The following ACAD11 variants were observed in gnomAD, a reference collection of about 807,000 sequenced individuals.
The protein encoded by ACAD11 is acyl-CoA dehydrogenase family member 11, also known as acyl-Coenzyme A dehydrogenase family, member 11.
Under a neutral mutation model 102.2 loss-of-function variants are expected in ACAD11, and 83 were observed. The ratio of observed to expected loss-of-function variants is 0.81; its 90% CI spans 0.68 to 0.97. ACAD11 has a LOEUF of 0.97. Among genes scored for constraint, ACAD11 ranks in the 50% least tolerant of loss-of-function variants. The probability of loss-of-function intolerance (pLI) is 0.00; values close to 1 mark genes in which losing one functional copy is unlikely to be tolerated. For synonymous variants in ACAD11, 324 were observed against 319.8 expected (o/e 1.01, Z -0.14); for missense variants, 901 against 951.7 (o/e 0.95, Z 0.70).
At position 132,591,473 on chromosome 3, in the gene ACAD11, C is replaced by G. The variant is rs1439681518; in HGVS notation, c.1621+11756G>C. ...ATGCTAGCTATCCAGCATCAGTGAG[C>G]TGAAGTAAAATCTTCTAATTCCTTT... On this transcript the variant is annotated intron_variant, in intron 13 of 19. Transcript: ENST00000264990. Among the ~76,000 whole-genome samples the G allele has an allele frequency of 2.0e-5, 3 of 152,270 alleles. No homozygotes were observed. In the East Asian group the frequency reaches 5.8e-4, roughly 29 times the overall value.
At chr3:132,575,315 T>C (rs1937507128) in intron 17 of ACAD11, among the ~76,000 whole-genome samples, 1 of 152,204 alleles carries the variant, frequency 6.6e-6, no homozygotes, top group South Asian at 2.1e-4. Flanking sequence ...AGAATTCAAG[T>C]CCTCCTGAAG....
intron 13 of ACAD11, among the ~76,000 whole-genome samples, chr3:132,598,448 TTA>T (rs1232084566): frequency 6.6e-6 from 1 of 152,212 alleles, no homozygotes; most frequent in Non-Finnish European, 1.5e-5. Flanking sequence ...GCCAGGCACA[TTA>T]ACAAGATTTT....
chr3:132,606,983 G>A (rs1391320474), intron 11 of ACAD11, among the ~76,000 whole-genome samples: 1 of 152,152 alleles, frequency 6.6e-6, no homozygotes, highest in African/African-American at 2.4e-5. Flanking sequence ...TGATATCCGG[G>A]CAAACAGGGT....
chr3:132,565,701 C>G (rs1304013068), intron 17 of ACAD11, among the ~76,000 whole-genome samples: 1 of 152,172 alleles, frequency 6.6e-6, no homozygotes, highest in Non-Finnish European at 1.5e-5. Context: ...GGGAATATCC[C>G]TCATAAATGG....
intron 11 of ACAD11, among the ~76,000 whole-genome samples, chr3:132,610,103 C>T (rs544527935): frequency 3.4e-4 from 52 of 152,074 alleles, no homozygotes; most frequent in Middle Eastern, 3.2e-3. Flanking sequence ...ACTCAATAAA[C>T]TCGGTATTGA....
intron 7 of ACAD11, 45 bp from the exon 8 acceptor site, chr3:132,628,491 T>C: frequency 7.4e-7 from 1 of 1,353,448 alleles, no homozygotes; most frequent in Non-Finnish European, 1.0e-6. Context: ...AAAACCGTCC[T>C]TCAACAATCC....
intron 17 of ACAD11, among the ~76,000 whole-genome samples, chr3:132,567,445 A>C (rs556335648): frequency 8.5e-5 from 13 of 152,192 alleles, no homozygotes; most frequent in East Asian, 1.9e-4. Context: ...TACCTAGAAC[A>C]ACCACCAAAA....
intron 9 of ACAD11, among the ~76,000 whole-genome samples, chr3:132,623,309 CTG>C (rs962949936): frequency 3.3e-5 from 5 of 152,084 alleles, no homozygotes; most frequent in Admixed American, 1.3e-4. Flanking sequence ...CTAGAAATGA[CTG>C]TTTTGGTTTT....
In ACAD11 at chr3:132,630,579, A is replaced by G. The variant is rs539377675; in HGVS notation, c.842-21T>C. Reference sequence around the variant, plus strand: ...TATCCCTATAAAAACAGCATGTAATATAAACTTTAATTAAAATGTCGTGGT... The same window carrying G: ...TATCCCTATAAAAACAGCATGTAATGTAAACTTTAATTAAAATGTCGTGGT... On this transcript the variant is annotated intron_variant, in intron 6 of 19. Coordinates refer to ENST00000264990, the MANE Select transcript of ACAD11 (RefSeq NM_032169.5). 2.5e-6 allele frequency: 4 copies of G among 1,581,338 alleles called. No homozygotes were observed. In the East Asian group the frequency reaches 9.0e-5, roughly 36 times the overall value.
chr3:132,632,775 C>T (rs1940101719), intron 5 of ACAD11, among the ~76,000 whole-genome samples: 1 of 152,146 alleles, frequency 6.6e-6, no homozygotes, highest in Non-Finnish European at 1.5e-5. Flanking sequence ...TTGTAGTTCT[C>T]CTTGAAGAGA....
chr3:132,618,538 A>G lies in ACAD11; in HGVS notation c.1414+96T>C, dbSNP rs187153140. On this transcript the variant is annotated intron_variant, in intron 11 of 19. Coordinates refer to ENST00000264990, the MANE Select transcript of ACAD11 (RefSeq NM_032169.5). Reference sequence around the variant, plus strand: ...AAATTATAGCTAAATTCATAAGTCAATAACTTTGTATAAAAACACATTCTT... The same window carrying G: ...AAATTATAGCTAAATTCATAAGTCAGTAACTTTGTATAAAAACACATTCTT... The G allele has an allele frequency of 1.1e-4, 127 of 1,105,066 alleles. 1 individual carries two copies. In the East Asian group the frequency reaches 3.4e-3, roughly 30 times the overall value. 68.5% of individuals were successfully genotyped at this position (1,105,066 alleles called of 1,614,324 possible).
chr3:132,566,336 G>A (rs1937212390), intron 17 of ACAD11, among the ~76,000 whole-genome samples: 1 of 146,910 alleles, frequency 6.8e-6, no homozygotes, highest in Non-Finnish European at 1.5e-5. Context: ...ATAGGAACAT[G>A]TGGAATTATA....
At position 132,618,650 on chromosome 3, in the gene ACAD11, A is replaced by C. The variant is rs746925126; in HGVS notation, c.1398T>G (p.Phe466Leu). Reference protein sequence around the residue: ...TGKCFFAPDVFNCQAPDTGNM... With the variant: ...TGKCFFAPDVLNCQAPDTGNM... ...TGTAGTAACCTGGTGCTTGGCAGTT[A>C]AAGACATCTGGAGCAAAAAAGCATT... is the stretch of plus-strand genomic sequence containing the variant. The change falls in exon 11 of 20, where the codon TTT (phenylalanine) becomes TTG (leucine). Residue 466 changes from phenylalanine (F) to leucine (L), a missense_variant. Phe to Leu is a conservative substitution (Grantham distance 22). Transcript: ENST00000264990. The C allele has an allele frequency of 6.2e-7, 1 of 1,601,878 alleles. No individual in the cohort carries two copies. Among genetic ancestry groups the C allele is most frequent in the Non-Finnish European group, 8.5e-7 (1 of 1,175,336 alleles).
At chr3:132,602,946 G>A (rs961420167) in intron 13 of ACAD11, among the ~76,000 whole-genome samples, 1 of 152,170 alleles carries the variant, frequency 6.6e-6, no homozygotes, top group Non-Finnish European at 1.5e-5. Context: ...GGGATTACAG[G>A]TGCCTGTCAC....
intron 11 of ACAD11, among the ~76,000 whole-genome samples, chr3:132,610,423 C>A (rs918704992): frequency 1.3e-5 from 2 of 151,990 alleles, no homozygotes; most frequent in Non-Finnish European, 2.9e-5. Flanking sequence ...AAAAAACCAA[C>A]GAATCCAGGA....
At chr3:132,560,253 T>TG (rs1231425021) in intron 18 of ACAD11, among the ~76,000 whole-genome samples, 10 of 152,172 alleles carry the variant, frequency 6.6e-5, no homozygotes, top group Non-Finnish European at 1.5e-4. Context: ...CAAGGGTCTT[T>TG]GCGCTATTAA....
rs1057335291 is a variant in ACAD11 at position 132,605,115 on chromosome 3, G to GAGGTA, written c.1500_1504dup (p.Ser502LeufsTer7). On this transcript the variant is annotated frameshift_variant, in exon 12 of 20. Coordinates refer to ENST00000264990, the MANE Select transcript of ACAD11 (RefSeq NM_032169.5). LOFTEE classifies it high-confidence loss of function. ...GCATTTACCTGTCATACAGAAGCAA[G>GAGGTA]AGGTAATGTTCCCTTGAAGAAGAGG... is the stretch of plus-strand genomic sequence containing the variant. The GAGGTA allele has an allele frequency of 4.1e-5, 66 of 1,612,494 alleles. No individual in the cohort carries two copies. The highest frequency in any genetic ancestry group is 5.1e-5 in the Non-Finnish European group (60 of 1,178,914).
At chr3:132,651,378 A>G (rs1940924879) in intron 1 of ACAD11, among the ~76,000 whole-genome samples, 1 of 152,204 alleles carries the variant, frequency 6.6e-6, no homozygotes, top group Admixed American at 6.5e-5. Context: ...CAAAATCTAC[A>G]CAGATGTCCC....
chr3:132,625,272 C>T (rs1398813928), intron 9 of ACAD11, among the ~76,000 whole-genome samples: 2 of 152,166 alleles, frequency 1.3e-5, no homozygotes, highest in African/African-American at 2.4e-5. Context: ...ATTCTGCTTT[C>T]CAAATCTAAT....
Sources: gnomAD v4.1 joint callset for allele counts (sites outside exome capture counted in the v4.1 genomes callset) on GRCh38, gnomAD v4.1.1 for gene constraint, MANE v1.5 for transcripts, NCBI Gene and HGNC (gene_info 2026-07-23, HGNC 2026-07-21) for gene names.